Variants in GTF2F2 observed in about 807,000 individuals in gnomAD.
The protein encoded by GTF2F2 is general transcription factor IIF subunit 2.
Under a neutral mutation model 42.2 loss-of-function variants are expected in GTF2F2, and 23 were observed. The ratio of observed to expected loss-of-function variants is 0.55; its 90% confidence interval spans 0.39 to 0.77. The LOEUF (loss-of-function observed/expected upper bound fraction) is 0.77. Among genes scored for constraint, GTF2F2 ranks in the 30% least tolerant of loss-of-function variants. The pLI is 0.00. For synonymous variants in GTF2F2, 105 were observed against 100.8 expected, an observed-to-expected ratio of 1.04 and a Z score of -0.25; for missense variants, 261 against 287.2, an observed-to-expected ratio of 0.91 and a Z score of 0.66.
intron 5 of GTF2F2, among the ~76,000 whole-genome samples, chr13:45,236,896 T>G (rs892624940): frequency 1.3e-5 from 2 of 152,218 alleles, no homozygotes; most frequent in African/African-American, 4.8e-5. Context: ...TATTTTAATA[T>G]GACGAGGAAT....
intron 4 of GTF2F2, among the ~76,000 whole-genome samples, chr13:45,189,516 C>T (rs1355000302): frequency 6.6e-6 from 1 of 152,228 alleles, no homozygotes; most frequent in African/African-American, 2.4e-5. Context: ...TACATGCCCA[C>T]CAACAGTGTA....
At chr13:45,171,233 A>T (rs1164939429) in intron 4 of GTF2F2, among the ~76,000 whole-genome samples, 1 of 151,970 alleles carries the variant, frequency 6.6e-6, no homozygotes, top group Non-Finnish European at 1.5e-5. Flanking sequence ...GCATGCCACC[A>T]GGCCCAGCTA....
At chr13:45,230,170 C>T (rs973465089) in intron 5 of GTF2F2, among the ~76,000 whole-genome samples, 13 of 151,536 alleles carry the variant, frequency 8.6e-5, no homozygotes, top group South Asian at 2.1e-4. Context: ...GAGCCAAGAT[C>T]GCACCACTGC....
chr13:45,191,255 A>ATATATATATATATATG (rs1260872563), intron 4 of GTF2F2, among the ~76,000 whole-genome samples: 6 of 136,528 alleles, frequency 4.4e-5, no homozygotes, highest in African/African-American at 1.8e-4. Flanking sequence ...ATATATATAT[A>ATATATATATATATATG]GCCATAATCT....
intron 4 of GTF2F2, among the ~76,000 whole-genome samples, chr13:45,165,069 T>C (rs1364442262): frequency 6.6e-6 from 1 of 152,132 alleles, no homozygotes; most frequent in Non-Finnish European, 1.5e-5. Flanking sequence ...CAGATATAGG[T>C]AACCTGTTGA....
At chr13:45,275,683 T>A (rs1478432750) in intron 7 of GTF2F2, among the ~76,000 whole-genome samples, 1 of 152,174 alleles carries the variant, frequency 6.6e-6, no homozygotes, top group African/African-American at 2.4e-5. Context: ...GTGCCACATT[T>A]TCTTAATCCA....
At chr13:45,122,207 C>G (rs1868677316) in intron 1 of GTF2F2, among the ~76,000 whole-genome samples, 1 of 151,560 alleles carries the variant, frequency 6.6e-6, no homozygotes, top group Non-Finnish European at 1.5e-5. Flanking sequence ...CTTTAGTTTA[C>G]AAGGAAGTAA....
chr13:45,241,361 T>C (rs1052716053), intron 5 of GTF2F2, among the ~76,000 whole-genome samples: 2 of 152,054 alleles, frequency 1.3e-5, no homozygotes, highest in South Asian at 2.1e-4. Flanking sequence ...CTCTCTCTTA[T>C]GTTCTACTGC....
chr13:45,231,745 A>G (rs1409254929), intron 5 of GTF2F2, among the ~76,000 whole-genome samples: 1 of 152,140 alleles, frequency 6.6e-6, no homozygotes. Context: ...CAAACAGCAT[A>G]TTAAAAACTA....
At chr13:45,129,334 C>T (rs1262183835) in intron 1 of GTF2F2, among the ~76,000 whole-genome samples, 1 of 152,172 alleles carries the variant, frequency 6.6e-6, no homozygotes, top group Non-Finnish European at 1.5e-5. Context: ...CTCAGCCTCT[C>T]GAGTAGCTGG....
chr13:45,146,612 G>T lies in GTF2F2; in HGVS notation c.141-3158G>T, dbSNP rs144893697. Among the ~76,000 whole-genome samples, 52 of 152,266 alleles carry T rather than the reference G, an allele frequency of 3.4e-4. 1 individual carries two copies. The East Asian group carries it at 8.3e-3, about 24-fold the overall frequency. ...GTTAGTGAAAAGCCAGGCCCCATTG[G>T]TACCAAATCCAAGAAGTATTTTAAA... On this transcript the variant is annotated intron_variant, in intron 2 of 7. Transcript: ENST00000340473.
At chr13:45,271,222 C>T (rs1441347723) in intron 7 of GTF2F2, among the ~76,000 whole-genome samples, 1 of 150,848 alleles carries the variant, frequency 6.6e-6, no homozygotes, top group Non-Finnish European at 1.5e-5. Flanking sequence ...ACCCGGGAGG[C>T]GGAGGTTGCA....
chr13:45,258,440 C>A (rs1026363765), intron 6 of GTF2F2, among the ~76,000 whole-genome samples: 3 of 152,046 alleles, frequency 2.0e-5, no homozygotes, highest in African/African-American at 7.2e-5. Context: ...TGGAAACCCG[C>A]TAGCAAGGGA....
At chr13:45,139,468 G>GT (rs1461882824) in intron 2 of GTF2F2, among the ~76,000 whole-genome samples, 1 of 152,148 alleles carries the variant, frequency 6.6e-6, no homozygotes, top group Admixed American at 6.5e-5. Flanking sequence ...CTATTCTTCT[G>GT]TTTTTTCTCT....
chr13:45,216,379 T>A (rs1274021420), intron 5 of GTF2F2, among the ~76,000 whole-genome samples: 1 of 152,158 alleles, frequency 6.6e-6, no homozygotes, highest in Non-Finnish European at 1.5e-5. Context: ...GAACATCTCT[T>A]GTTTTCTTTG....
intron 5 of GTF2F2, among the ~76,000 whole-genome samples, chr13:45,245,387 T>C (rs565378606): frequency 7.2e-5 from 11 of 152,114 alleles, no homozygotes; most frequent in African/African-American, 2.6e-4. Flanking sequence ...GAGATTTTGA[T>C]GCACCCATCA....
intron 2 of GTF2F2, among the ~76,000 whole-genome samples, chr13:45,148,368 A>T (rs61947850): frequency 0.16 from 24,939 of 151,986 alleles, 2,396 homozygotes; most frequent in Non-Finnish European, 0.22. Context: ...TCTATGGTTG[A>T]GCCCCTTTAG....
chr13:45,232,703 G>A (rs1265088985), intron 5 of GTF2F2, among the ~76,000 whole-genome samples: 3 of 152,148 alleles, frequency 2.0e-5, no homozygotes, highest in Non-Finnish European at 2.9e-5. Context: ...TGTAATTTCT[G>A]TTAGGTCAGC....
intron 5 of GTF2F2, among the ~76,000 whole-genome samples, chr13:45,229,686 A>C (rs895891210): frequency 6.6e-6 from 1 of 152,184 alleles, no homozygotes; most frequent in African/African-American, 2.4e-5. Flanking sequence ...GTCGACAGAA[A>C]GGAAACCTGG....
Sources: allele counts gnomAD v4.1 joint callset (sites outside exome capture counted in the v4.1 genomes callset), GRCh38; gene constraint gnomAD v4.1.1; transcripts MANE v1.5; gene names NCBI Gene and HGNC (gene_info 2026-07-23, HGNC 2026-07-21).